Variants in PYM1 observed in about 807,000 individuals in gnomAD.
PYM1 encodes partner of Y14 and mago.
Under a neutral mutation model 20.7 loss-of-function variants are expected in PYM1, and 7 were observed. The observed-to-expected ratio is 0.34, with a 90% CI of 0.19 to 0.64. The LOEUF (loss-of-function observed/expected upper bound fraction) is 0.64, where lower values mean the gene tolerates loss of function less well. Ranked by LOEUF, PYM1 falls within the 30% of genes least tolerant of loss-of-function variation. PYM1 has a pLI of 0.74. For synonymous variants in PYM1, 100 were observed against 99.2 expected, an observed-to-expected ratio of 1.01 and a Z score of -0.05; for missense variants, 194 against 250.0, an observed-to-expected ratio of 0.78 and a Z score of 1.51.
rs1391053609 is a variant in PYM1 at position 55,902,482 on chromosome 12, GTTGT to G, written c.132-131_132-128del. 164 of 1,373,896 alleles carry G rather than the reference GTTGT, an allele frequency of 1.2e-4. No individual in the cohort carries two copies. In the South Asian group the frequency reaches 1.7e-3, roughly 14 times the overall value. 85.1% of individuals were successfully genotyped at this position (1,373,896 alleles called of 1,614,324 possible). On this transcript the variant is annotated intron_variant, in intron 2 of 2. Coordinates refer to ENST00000408946, the MANE Select transcript of PYM1 (RefSeq NM_032345.3). ...CTTTTTTTGTTGTTGTTTTTGTGGG[GTTGT>G]TTGTTTTTTGAGATAGAGTCTCGCT...
rs1882729671 is a variant in PYM1 at position 55,903,410 on chromosome 12, A to G, written c.108T>C (p.Tyr36=). The change falls in exon 2 of 3, where the codon TAT becomes TAC. Residue 36 remains tyrosine (Y), a synonymous_variant. Transcript: ENST00000408946. ...WRKQRRVKEG[Y]VPQEEVPVYE... ...ACACTGGGACCTCCTCCTGGGGCACATATCCTTCTTTCACCCTCCGCTGCT... is the reference window on the plus strand; with the variant it reads ...ACACTGGGACCTCCTCCTGGGGCACGTATCCTTCTTTCACCCTCCGCTGCT... 2 of 1,613,956 alleles carry G rather than the reference A, an allele frequency of 1.2e-6. No individual in the cohort carries two copies. Among genetic ancestry groups the G allele is most frequent in the Non-Finnish European group, 1.7e-6 (2 of 1,180,028 alleles).
intron 1 of PYM1, among the ~76,000 whole-genome samples, chr12:55,905,828 CTA>C (rs1158429121): frequency 1.4e-4 from 13 of 92,668 alleles, no homozygotes; most frequent in African/African-American, 3.9e-4. Flanking sequence ...TTCTAATTTT[CTA>C]TATATATTAG....
chr12:55,913,209 A>G (rs1882954762), intron 1 of PYM1, among the ~76,000 whole-genome samples: 3 of 152,210 alleles, frequency 2.0e-5, no homozygotes. Context: ...CACCTGTTTT[A>G]GCTTTTATCA....
At chr12:55,910,252 C>CATATATAT (rs71074876) in intron 1 of PYM1, among the ~76,000 whole-genome samples, 72 of 142,746 alleles carry the variant, frequency 5.0e-4, no homozygotes, top group East Asian at 3.5e-3. Context: ...TGGTTTTATA[C>CATATATAT]ATATATATAT....
intron 1 of PYM1, among the ~76,000 whole-genome samples, chr12:55,910,238 G>A (rs918971764): frequency 2.4e-4 from 36 of 148,804 alleles, no homozygotes; most frequent in East Asian, 7.9e-4. Flanking sequence ...CTTGAGGTAC[G>A]GCTTGGTTTT....
In PYM1 at chr12:55,902,374, G is replaced by T. The variant is rs1359631651; in HGVS notation, c.132-19C>A. On this transcript the variant is annotated intron_variant, in intron 2 of 2. Transcript: ENST00000408946. ...TTCATATCTGCAGGAAACAAAGGATGTCAAGAGTTTCAGAGAATTACTGAC... is the reference window on the plus strand; with the variant it reads ...TTCATATCTGCAGGAAACAAAGGATTTCAAGAGTTTCAGAGAATTACTGAC... The T allele has an allele frequency of 6.3e-7, 1 of 1,586,308 alleles. No homozygotes were observed. Among genetic ancestry groups the T allele is most frequent in the Admixed American group, 1.8e-5 (1 of 54,432 alleles).
rs1037231771 is a variant in PYM1 at position 55,927,236 on chromosome 12, G to A, written c.37+489C>T. 20 of 1,373,832 alleles carry A rather than the reference G, an allele frequency of 1.5e-5. 1 individual carries two copies. In the Admixed American group the frequency reaches 2.8e-4, roughly 19 times the overall value. 85.1% of individuals were successfully genotyped at this position (1,373,832 alleles called of 1,614,324 possible). A position where few individuals can be genotyped will look rare whatever the true frequency, so the allele number is the denominator to read the frequency against. ...AAAGGGAGAGTGCACCATTTCATGG[G>A]CGGAGGTGGAGGAGGAGGAAGAGTG... On this transcript the variant is annotated intron_variant, in intron 1 of 2. Coordinates refer to ENST00000408946, the MANE Select transcript of PYM1 (RefSeq NM_032345.3).
At chr12:55,927,366 G>C in intron 1 of PYM1, 2 of 721,830 alleles carry the variant, frequency 2.8e-6, no homozygotes. Context: ...GGAGCCAAGA[G>C]AAGTTCCGAG....
At chr12:55,921,828 T>C (rs981179745) in intron 1 of PYM1, among the ~76,000 whole-genome samples, 6 of 152,058 alleles carry the variant, frequency 3.9e-5, no homozygotes, top group East Asian at 1.9e-4. Flanking sequence ...TTGATATACA[T>C]AAATTAATAA....
At chr12:55,907,294 C>G (rs1042555820) in intron 1 of PYM1, among the ~76,000 whole-genome samples, 1 of 149,286 alleles carries the variant, frequency 6.7e-6, no homozygotes, top group Non-Finnish European at 1.5e-5. Flanking sequence ...CAAAACCCTG[C>G]CTCTACTAAA....
At chr12:55,920,066 G>A (rs570794285) in intron 1 of PYM1, among the ~76,000 whole-genome samples, 49 of 152,114 alleles carry the variant, frequency 3.2e-4, no homozygotes, top group Non-Finnish European at 3.8e-4. Context: ...CCATGGTGGC[G>A]CATGCCTGTA....
chr12:55,926,924 G>T (rs1351607606), intron 1 of PYM1, among the ~76,000 whole-genome samples: 1 of 152,158 alleles, frequency 6.6e-6, no homozygotes, highest in Non-Finnish European at 1.5e-5. Flanking sequence ...GGGCGCAGGA[G>T]ACACCCCGTA....
chr12:55,927,781 C>T lies in PYM1; in HGVS notation c.-20G>A, dbSNP rs1319577145. On this transcript the variant is annotated 5_prime_UTR_variant, in exon 1 of 3. Transcript: ENST00000408946. ...TTCCATGGCCGAAGAGGCAGCGGAC[C>T]AGGTTGGGCGGGCGGCCCTGGCCTG... 6.5e-6 allele frequency: 10 copies of T among 1,537,548 alleles called. No individual in the cohort carries two copies. In the East Asian group the frequency reaches 2.0e-4, roughly 30 times the overall value.
chr12:55,914,767 A>G (rs1882978114), intron 1 of PYM1, among the ~76,000 whole-genome samples: 1 of 152,184 alleles, frequency 6.6e-6, no homozygotes, highest in Admixed American at 6.5e-5. Context: ...AAAATATAAC[A>G]AAGAGAAGAT....
Position 55,905,889 on chromosome 12 carries a change from T to TTATATATATCTATTAGATATATA in PYM1, c.38-2410_38-2409insTATATATCTAATAGATATATATA, listed in dbSNP as rs1882797329. 7.0e-5 allele frequency among the ~76,000 whole-genome samples: 5 copies of TTATATATATCTATTAGATATATA among 71,424 alleles called. No homozygotes were observed. In the Admixed American group the frequency reaches 8.6e-4, roughly 12 times the overall value. 46.9% of individuals were successfully genotyped at this position (71,424 alleles called of 152,430 possible). The stretch of plus-strand genomic sequence containing the variant: ...TATATATATCTATTAGATATATATA[T>TTATATATATCTATTAGATATATA]TATTATATATATCTAATAGATATAT... On this transcript the variant is annotated intron_variant, in intron 1 of 2. Transcript: ENST00000408946.
intron 1 of PYM1, among the ~76,000 whole-genome samples, chr12:55,905,850 T>TA (rs1350962160): frequency 6.2e-5 from 6 of 96,062 alleles, no homozygotes; most frequent in Non-Finnish European, 1.1e-4. Context: ...GATATATATA[T>TA]TATATATTAG....
chr12:55,904,129 G>A (rs778468073), intron 1 of PYM1, among the ~76,000 whole-genome samples: 2 of 151,750 alleles, frequency 1.3e-5, no homozygotes, highest in African/African-American at 2.4e-5. Flanking sequence ...CACCACATCC[G>A]GCTAATTTTT....
rs143176442 is a variant in PYM1 at position 55,908,813 on chromosome 12, T to C, written c.38-5333A>G. ...GCTGCAGTGAGCCAAGATCATACCA[T>C]TGCACTCCAGCCTGGGTGACAGAGC... is the stretch of plus-strand genomic sequence containing the variant. On this transcript the variant is annotated intron_variant, in intron 1 of 2. Transcript: ENST00000408946. 3.5e-3 allele frequency among the ~76,000 whole-genome samples: 536 copies of C among 151,568 alleles called. 2 individuals are homozygous for C. Among genetic ancestry groups the C allele is most frequent in the African/African-American group, 0.012 (513 of 41,290 alleles).
At position 55,901,804 on chromosome 12, in the gene PYM1, C is replaced by T; in HGVS notation, c.*68G>A. On this transcript the variant is annotated 3_prime_UTR_variant, in exon 3 of 3. Coordinates refer to ENST00000408946, the MANE Select transcript of PYM1 (RefSeq NM_032345.3). ...GGTACCCCTCCTGACTGCTGTTGCCCGTATTCCCCCAGACCCCAGAGAGCC... is the reference window on the plus strand; with the variant it reads ...GGTACCCCTCCTGACTGCTGTTGCCTGTATTCCCCCAGACCCCAGAGAGCC... The T allele has an allele frequency of 1.2e-5, 18 of 1,527,468 alleles. No individual in the cohort carries two copies. The highest frequency in any genetic ancestry group is 2.3e-5 in the East Asian group (1 of 44,254). 94.6% of individuals were successfully genotyped at this position (1,527,468 alleles called of 1,614,324 possible).
Sources: gnomAD v4.1 joint callset for allele counts (sites outside exome capture counted in the v4.1 genomes callset) on GRCh38, gnomAD v4.1.1 for gene constraint, MANE v1.5 for transcripts, NCBI Gene and HGNC (gene_info 2026-07-23, HGNC 2026-07-21) for gene names.